Variants in ACCSL observed in about 807,000 individuals in gnomAD.
ACCSL encodes 1-aminocyclopropane-1-carboxylate synthase homolog (inactive) like.
A neutral mutation model predicts 61.7 loss-of-function variants in ACCSL; 55 were observed. The observed-to-expected ratio is 0.89, with a 90% confidence interval of 0.72 to 1.12. The LOEUF (loss-of-function observed/expected upper bound fraction) is 1.12, where lower values mean the gene tolerates loss of function less well. Ranked by LOEUF, ACCSL falls within the 50% of genes most tolerant of loss-of-function variation. The pLI is 0.00. For missense variants in ACCSL, 632 were observed against 698.0 expected (o/e 0.91, Z 1.07); for synonymous variants, 258 against 264.3 (o/e 0.98, Z 0.23).
chr11:43,953,706 A>C, the ACCSL span, among the ~76,000 whole-genome samples: 2 of 152,210 alleles, frequency 1.3e-5, no homozygotes, highest in South Asian at 4.2e-4. Flanking sequence ...CCATGTCAGG[A>C]AGTTCACCTA....
chr11:43,957,863 G>A, the ACCSL span, among the ~76,000 whole-genome samples: 1 of 152,166 alleles, frequency 6.6e-6, no homozygotes, highest in African/African-American at 2.4e-5. Context: ...TCCCGTCATG[G>A]CCGGAACTAG....
At chr11:43,977,679 C>G in the ACCSL span, among the ~76,000 whole-genome samples, 10 of 152,220 alleles carry the variant, frequency 6.6e-5, no homozygotes, top group African/African-American at 2.2e-4. Flanking sequence ...TTTGTTCTAA[C>G]AGCAATGGGA....
chr11:43,959,598 C>A, the ACCSL span, among the ~76,000 whole-genome samples: 1 of 152,174 alleles, frequency 6.6e-6, no homozygotes, highest in South Asian at 2.1e-4. Context: ...TGGGACTGGG[C>A]GGTGGCAGAC....
At chr11:43,986,260 C>T in the ACCSL span, among the ~76,000 whole-genome samples, 13 of 152,204 alleles carry the variant, frequency 8.5e-5, no homozygotes, top group African/African-American at 2.6e-4. Flanking sequence ...CCATTGCCAG[C>T]GCTTCCTAAC....
chr11:44,035,007 C>T, the ACCSL span, among the ~76,000 whole-genome samples: 1 of 152,162 alleles, frequency 6.6e-6, no homozygotes, highest in African/African-American at 2.4e-5. Flanking sequence ...ACAGCAAATA[C>T]ACTCTCTTAT....
chr11:43,956,077 AAAG>A, the ACCSL span, among the ~76,000 whole-genome samples: 1 of 147,820 alleles, frequency 6.8e-6, no homozygotes, highest in African/African-American at 2.6e-5. Context: ...CCACATGATG[AAAG>A]AAGATTTATA....
At chr11:44,046,600 G>C (rs1189035169), upstream of ACCSL, among the ~76,000 whole-genome samples, 1 of 152,234 alleles carries the variant, frequency 6.6e-6, no homozygotes, top group Non-Finnish European at 1.5e-5. Flanking sequence ...AAGTTGGACA[G>C]AGTGTTTGGT....
the ACCSL span, among the ~76,000 whole-genome samples, chr11:43,931,069 C>T: frequency 2.6e-5 from 4 of 152,314 alleles, no homozygotes; most frequent in South Asian, 2.1e-4. Flanking sequence ...TTTCCTGTGG[C>T]CTTACGACCC....
the ACCSL span, chr11:43,944,652 C>G: frequency 6.6e-6 from 1 of 152,344 alleles, no homozygotes; most frequent in South Asian, 2.1e-4. Context: ...CCCAGTTCTC[C>G]GCACTCCTGG....
chr11:44,001,254 A>G, the ACCSL span: 2 of 152,030 alleles, frequency 1.3e-5, no homozygotes, highest in African/African-American at 4.8e-5. Context: ...AAATGTGGTG[A>G]ACAATACTCG....
chr11:43,975,774 A>G, the ACCSL span, among the ~76,000 whole-genome samples: 1 of 152,174 alleles, frequency 6.6e-6, no homozygotes, highest in Non-Finnish European at 1.5e-5. Context: ...ATCTTCAAAC[A>G]TGTGCTGCCT....
chr11:43,983,368 C>T, the ACCSL span, among the ~76,000 whole-genome samples: 50 of 152,226 alleles, frequency 3.3e-4, no homozygotes, highest in African/African-American at 1.1e-3. Context: ...TGTACTCATC[C>T]GGAAATATTT....
chr11:44,045,792 G>A (rs2134760811), upstream of ACCSL, among the ~76,000 whole-genome samples: 1 of 152,248 alleles, frequency 6.6e-6, no homozygotes, highest in South Asian at 2.1e-4. Flanking sequence ...TGGGACCATG[G>A]GCTGAGCTGG....
the ACCSL span, among the ~76,000 whole-genome samples, chr11:43,981,307 C>T: frequency 1.3e-5 from 2 of 152,130 alleles, no homozygotes; most frequent in Non-Finnish European, 2.9e-5. Context: ...GGCACAACTC[C>T]CTGGCACTTC....
At chr11:44,037,845 T>C in the ACCSL span, among the ~76,000 whole-genome samples, 2 of 151,482 alleles carry the variant, frequency 1.3e-5, no homozygotes, top group South Asian at 2.1e-4. Flanking sequence ...CCTTAGAAAA[T>C]TGCATTATGG....
chr11:43,951,742 G>T, the ACCSL span, among the ~76,000 whole-genome samples: 313 of 152,322 alleles, frequency 2.1e-3, 2 homozygotes, highest in Non-Finnish European at 3.8e-3. Context: ...AGTAGCTCCC[G>T]CTTGTAATCC....
chr11:44,006,165 C>A, the ACCSL span, among the ~76,000 whole-genome samples: 1 of 152,194 alleles, frequency 6.6e-6, no homozygotes, highest in South Asian at 2.1e-4. Flanking sequence ...TGTGGACCCT[C>A]CTCTGGCAGC....
chr11:44,004,753 G>A, the ACCSL span, among the ~76,000 whole-genome samples: 1 of 152,300 alleles, frequency 6.6e-6, no homozygotes, highest in Non-Finnish European at 1.5e-5. Context: ...AAGACCAGCA[G>A]CATTGACAGC....
chr11:43,974,188 C>T, the ACCSL span: 1 of 152,238 alleles, frequency 6.6e-6, no homozygotes, highest in Admixed American at 6.5e-5. Context: ...CATTGATGGG[C>T]TGATTTCTTG....
Sources: gnomAD v4.1 joint callset for allele counts (sites outside exome capture counted in the v4.1 genomes callset) on GRCh38, gnomAD v4.1.1 for gene constraint, MANE v1.5 for transcripts, NCBI Gene and HGNC (gene_info 2026-07-23, HGNC 2026-07-21) for gene names.